Variants in RAVER2 observed in about 807,000 individuals in gnomAD.
RAVER2 encodes ribonucleoprotein, PTB binding 2.
RAVER2 carries 46 observed loss-of-function variants against 78.1 expected under a neutral mutation model. The observed-to-expected ratio is 0.59, with a 90% CI of 0.46 to 0.75. The LOEUF is 0.75. Among genes scored for constraint, RAVER2 ranks in the 30% least tolerant of loss-of-function variants. The pLI is 0.00. For synonymous variants in RAVER2, 311 were observed against 313.3 expected (o/e 0.99, Z 0.08); for missense variants, 793 against 837.5 (o/e 0.95, Z 0.66).
chr1:64,770,600 C>T (rs367973536), intron 2 of RAVER2, among the ~76,000 whole-genome samples: 1 of 151,736 alleles, frequency 6.6e-6, no homozygotes, highest in African/African-American at 2.4e-5. Flanking sequence ...TAATGTATAA[C>T]GAGGACAAAA....
At chr1:64,753,050 C>G (rs1367265861) in intron 1 of RAVER2, among the ~76,000 whole-genome samples, 2 of 152,120 alleles carry the variant, frequency 1.3e-5, no homozygotes, top group African/African-American at 4.8e-5. Flanking sequence ...TCACTTATTT[C>G]AAGTTGGATC....
intron 11 of RAVER2, among the ~76,000 whole-genome samples, chr1:64,827,188 T>C (rs1268110981): frequency 6.6e-6 from 1 of 152,212 alleles, no homozygotes; most frequent in Non-Finnish European, 1.5e-5. Context: ...TTAGTCACTG[T>C]GCGTCTTAAG....
intron 4 of RAVER2, among the ~76,000 whole-genome samples, chr1:64,787,301 C>T (rs1384794290): frequency 1.3e-5 from 2 of 152,076 alleles, no homozygotes; most frequent in Non-Finnish European, 2.9e-5. Context: ...CCTGTGGGGG[C>T]TATCACCTTT....
intron 4 of RAVER2, 135 bp from the exon 5 acceptor site, chr1:64,789,253 T>A: frequency 1.4e-6 from 1 of 724,948 alleles, no homozygotes; most frequent in African/African-American, 1.8e-5. Context: ...AAAATAGATA[T>A]ATAATATAAA....
chr1:64,781,454 G>A (rs758635055), exon 4 of RAVER2: 2 of 1,613,980 alleles, frequency 1.2e-6, no homozygotes, highest in Middle Eastern at 1.7e-4. Flanking sequence ...AGGCTGAAGA[G>A]GTCCAGCAGG....
chr1:64,767,234 A>G (rs1457734748), intron 1 of RAVER2, among the ~76,000 whole-genome samples: 2 of 152,078 alleles, frequency 1.3e-5, no homozygotes, highest in East Asian at 1.9e-4. Context: ...ATCCATTTCT[A>G]TATTACTCAT....
rs1156442028 is a variant in RAVER2, at chr1:64,762,624, G to C, written c.250-6032G>C. On this transcript the variant is annotated intron_variant, in intron 1 of 11. Coordinates refer to ENST00000294428, the Ensembl canonical transcript of RAVER2. ...TTAACCCACAGAATATAGCAACTCA[G>C]TAGTAGAAAGAATAGTCTTTTCAAC... 2.6e-5 allele frequency among the ~76,000 whole-genome samples: 4 copies of C among 152,190 alleles called. No homozygotes were observed. In the East Asian group the frequency reaches 5.8e-4, roughly 22 times the overall value.
intron 1 of RAVER2, among the ~76,000 whole-genome samples, chr1:64,750,927 C>T (rs1651680337): frequency 6.6e-6 from 1 of 152,198 alleles, no homozygotes; most frequent in South Asian, 2.1e-4. Context: ...ACACTGAAAG[C>T]TGCTAGGGAA....
At chr1:64,786,556 C>T (rs77470053) in intron 4 of RAVER2, among the ~76,000 whole-genome samples, 267 of 151,854 alleles carry the variant, frequency 1.8e-3, no homozygotes, top group African/African-American at 6.2e-3. Flanking sequence ...TTCGGGTGGC[C>T]GAGGCAGGTG....
rs775914146 is a variant in RAVER2 at position 64,789,394 on chromosome 1, A to G, written c.985A>G (p.Ser329Gly). 2.5e-6 allele frequency: 4 copies of G among 1,606,706 alleles called. No homozygotes were observed. In the Admixed American group the frequency reaches 6.7e-5, roughly 27 times the overall value. Residue 329 changes from serine (S) to glycine (G), a missense_variant, in exon 5 of 12, where the codon AGT becomes GGT. Coordinates refer to ENST00000294428, the Ensembl canonical transcript of RAVER2. Reference sequence around the variant, plus strand: ...ATTTCTATATTCATTGCAGATGCACAGTAATCAAAAGGGCTTACTTCCAGA... The same window carrying G: ...ATTTCTATATTCATTGCAGATGCACGGTAATCAAAAGGGCTTACTTCCAGA...
chr1:64,789,620 T>TAAATTAGTA, intron 5 of RAVER2, 106 bp downstream of exon 5: 1 of 882,390 alleles, frequency 1.1e-6, no homozygotes, highest in Non-Finnish European at 1.5e-6. Flanking sequence ...AAAATATATT[T>TAAATTAGTA]AAATTAGTAT....
intron 5 of RAVER2, among the ~76,000 whole-genome samples, chr1:64,794,463 C>T (rs1231768027): frequency 6.6e-6 from 1 of 150,980 alleles, no homozygotes; most frequent in Admixed American, 6.6e-5. Context: ...TACATACTCA[C>T]CATCAGTTTC....
At chr1:64,807,307 A>T in exon 9 of RAVER2, 1 of 1,614,186 alleles carries the variant, frequency 6.2e-7, no homozygotes, top group Non-Finnish European at 8.5e-7. Flanking sequence ...GCCAGGGCAC[A>T]GTAATACTCA....
At chr1:64,761,133 T>C (rs1405383096) in intron 1 of RAVER2, among the ~76,000 whole-genome samples, 1 of 152,228 alleles carries the variant, frequency 6.6e-6, no homozygotes, top group Non-Finnish European at 1.5e-5. Context: ...TGATTGTTTT[T>C]TATACTGCCA....
chr1:64,792,483 C>G (rs1652971206), intron 5 of RAVER2, among the ~76,000 whole-genome samples: 1 of 152,196 alleles, frequency 6.6e-6, no homozygotes, highest in African/African-American at 2.4e-5. Flanking sequence ...GCTATCTTTA[C>G]TAATTCATCT....
intron 5 of RAVER2, among the ~76,000 whole-genome samples, chr1:64,794,548 A>T (rs1486876581): frequency 6.6e-6 from 1 of 151,970 alleles, no homozygotes; most frequent in Non-Finnish European, 1.5e-5. Context: ...TTTCTATTGG[A>T]TGTATAGTGC....
In RAVER2 at chr1:64,745,442, G is replaced by A; in HGVS notation, c.249+21G>A. On this transcript the variant is annotated intron_variant, in intron 1 of 11. Transcript: ENST00000294428. The surrounding 1 kb of genome is among the most constrained non-coding windows in gnomAD (Gnocchi z 4.3). ...GCCAGGTACTGGGACGGTGATAGGGGCGACGCGTCCCGAGGGGCGGCGGGG... is the reference window on the plus strand; with the variant it reads ...GCCAGGTACTGGGACGGTGATAGGGACGACGCGTCCCGAGGGGCGGCGGGG... 6.6e-7 allele frequency: 1 copy of A among 1,514,758 alleles called. No homozygotes were observed. The highest frequency in any genetic ancestry group is 8.9e-7 in the Non-Finnish European group (1 of 1,125,408). 93.8% of individuals were successfully genotyped at this position (1,514,758 alleles called of 1,614,324 possible).
intron 5 of RAVER2, among the ~76,000 whole-genome samples, chr1:64,790,104 T>A (rs1389128587): frequency 1.3e-5 from 2 of 152,256 alleles, no homozygotes; most frequent in African/African-American, 4.8e-5. Flanking sequence ...ACTTTTTATG[T>A]ACAAAAATGT....
At chr1:64,776,875 T>C (rs183139037) in intron 2 of RAVER2, among the ~76,000 whole-genome samples, 1 of 152,374 alleles carries the variant, frequency 6.6e-6, no homozygotes, top group Admixed American at 6.5e-5. Flanking sequence ...TTTCCAGTTA[T>C]ATAAGCCGTC....
Sources: gnomAD v4.1 joint callset for allele counts (sites outside exome capture counted in the v4.1 genomes callset) on GRCh38, gnomAD v4.1.1 for gene constraint, Gnocchi (gnomAD v3.1) non-coding constraint, MANE v1.5 for transcripts, NCBI Gene and HGNC (gene_info 2026-07-23, HGNC 2026-07-21) for gene names.